LINGO2: variants seen among roughly 807,000 people sequenced by gnomAD.
LINGO2 encodes the protein leucine rich repeat and Ig domain containing 2, also known as leucine-rich repeat and immunoglobulin-like domain-containing nogo receptor-interacting protein 2.
A neutral mutation model predicts 30.6 loss-of-function variants in LINGO2; 14 were observed. The ratio of observed to expected loss-of-function variants is 0.46; its 90% confidence interval spans 0.30 to 0.72. The LOEUF (loss-of-function observed/expected upper bound fraction) is 0.72, where lower values mean the gene tolerates loss of function less well. Ranked by LOEUF, LINGO2 falls within the 30% of genes least tolerant of loss-of-function variation. The pLI is 0.07. For synonymous variants in LINGO2, 317 were observed against 288.5 expected, an observed-to-expected ratio of 1.10 and a Z score of -1.00; for missense variants, 729 against 751.7, an observed-to-expected ratio of 0.97 and a Z score of 0.35.
the LINGO2 span, among the ~76,000 whole-genome samples, chr9:29,007,644 C>A: frequency 6.6e-6 from 1 of 151,986 alleles, no homozygotes; most frequent in Non-Finnish European, 1.5e-5. Flanking sequence ...CAGCCCTCAA[C>A]CAATACTCTC....
At chr9:28,869,871 G>A in the LINGO2 span, among the ~76,000 whole-genome samples, 10 of 151,728 alleles carry the variant, frequency 6.6e-5, no homozygotes, top group African/African-American at 1.2e-4. Flanking sequence ...CTATGGGCTC[G>A]TTTTACACCC....
chr9:29,084,320 C>T, the LINGO2 span, among the ~76,000 whole-genome samples: 2 of 151,928 alleles, frequency 1.3e-5, no homozygotes, highest in African/African-American at 4.8e-5. Flanking sequence ...GATATTTTGG[C>T]GTTGTGTTCC....
At chr9:28,123,404 T>G (rs1452335) in intron 4 of LINGO2, among the ~76,000 whole-genome samples, 102,589 of 151,938 alleles carry the variant, frequency 0.68, 34,754 homozygotes, top group East Asian at 0.74. Context: ...TGGTCAGCAG[T>G]GTCTTCCTGT....
chr9:28,179,502 T>A (rs1176778017), intron 4 of LINGO2, among the ~76,000 whole-genome samples: 2 of 128,068 alleles, frequency 1.6e-5, no homozygotes, highest in Non-Finnish European at 3.2e-5. Context: ...ATACTATATA[T>A]GTACTATATA....
chr9:28,475,108 T>G (rs1825679125), intron 2 of LINGO2, among the ~76,000 whole-genome samples: 1 of 152,116 alleles, frequency 6.6e-6, no homozygotes, highest in African/African-American at 2.4e-5. Flanking sequence ...TCTCAGAACC[T>G]GAATTTATCT....
chr9:27,952,622 C>T (rs968844692), intron 5 of LINGO2, among the ~76,000 whole-genome samples: 1 of 151,926 alleles, frequency 6.6e-6, no homozygotes, highest in African/African-American at 2.4e-5. Context: ...GGAATTATAT[C>T]TAAATATATT....
the LINGO2 span, among the ~76,000 whole-genome samples, chr9:28,703,095 A>G: frequency 2.0e-5 from 3 of 150,938 alleles, no homozygotes; most frequent in South Asian, 6.2e-4. Context: ...GCTTTTCTAT[A>G]TTGATTTCCT....
chr9:28,162,019 C>T (rs1026037928), intron 4 of LINGO2, among the ~76,000 whole-genome samples: 18 of 152,026 alleles, frequency 1.2e-4, no homozygotes, highest in African/African-American at 4.3e-4. Context: ...GAACAGTTTG[C>T]AGTGATTTCA....
intron 2 of LINGO2, among the ~76,000 whole-genome samples, chr9:28,443,052 T>C (rs1587682338): frequency 1.3e-5 from 2 of 151,818 alleles, no homozygotes; most frequent in Non-Finnish European, 2.9e-5. Context: ...AAATAAGGAG[T>C]ACTTCAGTTA....
chr9:29,063,495 C>A, the LINGO2 span, among the ~76,000 whole-genome samples: 2 of 151,752 alleles, frequency 1.3e-5, no homozygotes, highest in Non-Finnish European at 2.9e-5. Flanking sequence ...CTCTGCCTCC[C>A]AGGTTTGAGC....
At chr9:28,166,637 T>C (rs544526381) in intron 4 of LINGO2, among the ~76,000 whole-genome samples, 1 of 152,306 alleles carries the variant, frequency 6.6e-6, no homozygotes, top group Admixed American at 6.5e-5. Context: ...AAGTCTTCTC[T>C]TGACATTGTA....
chr9:29,190,608 T>C, the LINGO2 span, among the ~76,000 whole-genome samples: 2 of 152,090 alleles, frequency 1.3e-5, no homozygotes, highest in African/African-American at 4.8e-5. Flanking sequence ...GGCAACAAGG[T>C]AACTACCCAG....
intron 4 of LINGO2, among the ~76,000 whole-genome samples, chr9:28,155,776 A>G (rs767464861): frequency 2.0e-5 from 3 of 152,190 alleles, no homozygotes; most frequent in Non-Finnish European, 4.4e-5. Flanking sequence ...TTATCTCACA[A>G]AGTCACAGTC....
the LINGO2 span, among the ~76,000 whole-genome samples, chr9:28,801,883 A>G: frequency 4.6e-5 from 7 of 152,076 alleles, no homozygotes; most frequent in African/African-American, 1.7e-4. Flanking sequence ...TTTTACAATG[A>G]AATATTATAT....
At chr9:28,176,020 A>C (rs1828740701) in intron 4 of LINGO2, among the ~76,000 whole-genome samples, 1 of 152,192 alleles carries the variant, frequency 6.6e-6, no homozygotes, top group Non-Finnish European at 1.5e-5. Flanking sequence ...TCTTACTTTT[A>C]TCTAATAAAA....
chr9:29,050,330 G>C, the LINGO2 span, among the ~76,000 whole-genome samples: 1 of 152,086 alleles, frequency 6.6e-6, no homozygotes, highest in Non-Finnish European at 1.5e-5. Flanking sequence ...AGCCTTATGC[G>C]CTTATTTCAC....
At chr9:29,028,229 C>A in the LINGO2 span, among the ~76,000 whole-genome samples, 2 of 152,078 alleles carry the variant, frequency 1.3e-5, no homozygotes, top group South Asian at 2.1e-4. Flanking sequence ...AAATTGAATT[C>A]TTTTATTCCT....
At chr9:28,633,343 C>T (rs569606793) in intron 1 of LINGO2, among the ~76,000 whole-genome samples, 2 of 152,132 alleles carry the variant, frequency 1.3e-5, no homozygotes, top group South Asian at 2.1e-4. Context: ...CCAGAGAATA[C>T]CTTTTCCAGA....
chr9:28,555,770 C>T (rs957545654), intron 1 of LINGO2, among the ~76,000 whole-genome samples: 1 of 151,960 alleles, frequency 6.6e-6, no homozygotes, highest in Non-Finnish European at 1.5e-5. Flanking sequence ...CAAACTGAAT[C>T]CAGCAGCACA....
Sources: gnomAD v4.1 joint callset for allele counts (sites outside exome capture counted in the v4.1 genomes callset) on GRCh38, gnomAD v4.1.1 for gene constraint, MANE v1.5 for transcripts, NCBI Gene and HGNC (gene_info 2026-07-23, HGNC 2026-07-21) for gene names.